ZSWIM6: variants seen among roughly 807,000 people sequenced by gnomAD.
ZSWIM6 encodes zinc finger SWIM-type containing 6, also known as zinc finger SWIM domain-containing protein 6.
In ZSWIM6, 9 loss-of-function variants were observed where a neutral mutation model predicts 113.2. The ratio of observed to expected loss-of-function variants is 0.08; its 90% CI spans 0.05 to 0.14. The LOEUF (loss-of-function observed/expected upper bound fraction) is 0.14, where lower values mean the gene tolerates loss of function less well. Among genes scored for constraint, ZSWIM6 ranks in the 10% least tolerant of loss-of-function variants. The probability of loss-of-function intolerance (pLI) is 1.00; values close to 1 mark genes in which losing one functional copy is unlikely to be tolerated. For synonymous variants in ZSWIM6, 611 were observed against 606.5 expected, an observed-to-expected ratio of 1.01 and a Z score of -0.11; for missense variants, 1,162 against 1,552.2, an observed-to-expected ratio of 0.75 and a Z score of 4.22.
intron 1 of ZSWIM6, among the ~76,000 whole-genome samples, chr5:61,440,886 A>T (rs928020101): frequency 2.0e-5 from 3 of 152,204 alleles, no homozygotes; most frequent in African/African-American, 7.2e-5. Flanking sequence ...CAGGCATATA[A>T]ACAATTCACT....
intron 1 of ZSWIM6, among the ~76,000 whole-genome samples, chr5:61,383,813 C>T (rs1745534664): frequency 1.3e-5 from 2 of 151,286 alleles, no homozygotes; most frequent in African/African-American, 4.9e-5. Flanking sequence ...TCCCAAAGTG[C>T]TGGGATTACA....
chr5:61,463,051 A>T (rs1226672216), intron 1 of ZSWIM6, among the ~76,000 whole-genome samples: 1 of 151,992 alleles, frequency 6.6e-6, no homozygotes, highest in Non-Finnish European at 1.5e-5. Flanking sequence ...TATACAAGTA[A>T]CTCCCAATTA....
chr5:61,419,822 C>A (rs949817594), intron 1 of ZSWIM6, among the ~76,000 whole-genome samples: 1 of 152,152 alleles, frequency 6.6e-6, no homozygotes, highest in Non-Finnish European at 1.5e-5. Flanking sequence ...AATTACAGAA[C>A]AGGATATACA....
intron 3 of ZSWIM6, among the ~76,000 whole-genome samples, chr5:61,492,595 G>A (rs1207884467): frequency 1.3e-5 from 2 of 152,060 alleles, no homozygotes; most frequent in African/African-American, 4.8e-5. Context: ...CTTTAACATT[G>A]TATCCAATAA....
In ZSWIM6 at chr5:61,459,361, A is replaced by G. The variant is rs1430788809; in HGVS notation, c.677-13320A>G. 3.3e-5 allele frequency among the ~76,000 whole-genome samples: 5 copies of G among 152,294 alleles called. No individual in the cohort carries two copies. In the South Asian group the frequency reaches 6.2e-4, roughly 19 times the overall value. ...CTCTTTTGGGCTAATAAAATGGAAT[A>G]TATCTGTTCCTTTATATTATAGATG... On this transcript the variant is annotated intron_variant, in intron 1 of 13. Transcript: ENST00000252744.
At chr5:61,431,351 G>A (rs1051529838) in intron 1 of ZSWIM6, among the ~76,000 whole-genome samples, 6 of 110,946 alleles carry the variant, frequency 5.4e-5, no homozygotes, top group African/African-American at 1.5e-4. Flanking sequence ...CCAGCCTGGC[G>A]ACAGAGCAAG....
chr5:61,489,946 C>G (rs1332680213), intron 2 of ZSWIM6, among the ~76,000 whole-genome samples: 1 of 151,988 alleles, frequency 6.6e-6, no homozygotes, highest in African/African-American at 2.4e-5. Flanking sequence ...TAATACAAAA[C>G]CACACCTACA....
rs1385722730 is a variant in ZSWIM6, at chr5:61,472,431, AAT to A, written c.677-245_677-244del. Among the ~76,000 whole-genome samples the A allele has an allele frequency of 6.6e-6, 1 of 152,208 alleles. No individual in the cohort carries two copies. The highest frequency in any genetic ancestry group is 1.5e-5 in the Non-Finnish European group (1 of 68,034). ...TATAGGTATGATGGTGTTGTATGGC[AAT>A]ATATGTTTTCATATGGCTGTGTAAA... On this transcript the variant is annotated intron_variant, in intron 1 of 13. Transcript: ENST00000252744. This position sits in a 1 kb window ranked among gnomAD's most constrained non-coding sequence, Gnocchi z 4.1.
At chr5:61,348,543 G>A (rs1744715773) in intron 1 of ZSWIM6, among the ~76,000 whole-genome samples, 1 of 152,154 alleles carries the variant, frequency 6.6e-6, no homozygotes, top group Non-Finnish European at 1.5e-5. Flanking sequence ...GTATATGACA[G>A]TCTATTTTAG....
chr5:61,435,963 A>G (rs913078779), intron 1 of ZSWIM6, among the ~76,000 whole-genome samples: 2 of 152,212 alleles, frequency 1.3e-5, no homozygotes, highest in African/African-American at 4.8e-5. Context: ...GCACTTTGGG[A>G]GGCCAAGGCG....
At chr5:61,335,830 A>G (rs552728011) in intron 1 of ZSWIM6, among the ~76,000 whole-genome samples, 3 of 152,336 alleles carry the variant, frequency 2.0e-5, no homozygotes, top group African/African-American at 4.8e-5. Context: ...CTCAACTTCT[A>G]TATTTTAAAA....
intron 1 of ZSWIM6, among the ~76,000 whole-genome samples, chr5:61,434,802 G>A (rs1746671408): frequency 6.6e-6 from 1 of 151,898 alleles, no homozygotes; most frequent in South Asian, 2.1e-4. Flanking sequence ...TGGAGTGGAG[G>A]ATGTGAAAAA....
intron 1 of ZSWIM6, among the ~76,000 whole-genome samples, chr5:61,457,491 T>C (rs1219060775): frequency 6.6e-6 from 1 of 152,154 alleles, no homozygotes; most frequent in Non-Finnish European, 1.5e-5. Flanking sequence ...ACAATTGTGA[T>C]TGACTAAATA....
At chr5:61,508,969 G>T (rs1041699974) in intron 4 of ZSWIM6, among the ~76,000 whole-genome samples, 1 of 152,138 alleles carries the variant, frequency 6.6e-6, no homozygotes, top group African/African-American at 2.4e-5. Flanking sequence ...CTAAGTTTTA[G>T]AGTAGTTTTT....
At chr5:61,355,579 T>A (rs1050520858) in intron 1 of ZSWIM6, among the ~76,000 whole-genome samples, 4 of 152,012 alleles carry the variant, frequency 2.6e-5, no homozygotes, top group African/African-American at 7.3e-5. Context: ...TTTAAACTTT[T>A]AAAAAATATA....
chr5:61,344,144 C>G (rs1183773359), intron 1 of ZSWIM6, among the ~76,000 whole-genome samples: 1 of 152,204 alleles, frequency 6.6e-6, no homozygotes, highest in African/African-American at 2.4e-5. Flanking sequence ...ATCCATCCAC[C>G]TTGGCCTCCC....
At position 61,332,594 on chromosome 5, in the gene ZSWIM6, CG is replaced by C; in HGVS notation, c.323del (p.Arg108ProfsTer2). ...GCGCATCCCGGAGCCGGTGCAGCGC[CG>C]CATAGTCTATTGGTCCTTCCCCCGC... ...FERIPEPVQR[R>X]IVYWSFPRSE... On this transcript the variant is annotated frameshift_variant, in exon 1 of 14. Transcript: ENST00000252744. LOFTEE classifies it high-confidence loss of function. 7.5e-7 allele frequency: 1 copy of C among 1,337,828 alleles called. No homozygotes were observed. The highest frequency in any genetic ancestry group is 9.9e-7 in the Non-Finnish European group (1 of 1,015,078). The allele number at this position is 1,337,828 out of a possible 1,614,324, so 82.9% of individuals were successfully genotyped here.
intron 4 of ZSWIM6, among the ~76,000 whole-genome samples, chr5:61,496,645 G>C (rs933699305): frequency 8.6e-5 from 13 of 152,038 alleles, no homozygotes; most frequent in Non-Finnish European, 1.9e-4. Context: ...AAATGAAATT[G>C]GAAGCCCTTT....
chr5:61,378,009 A>G (rs1289316992), intron 1 of ZSWIM6, among the ~76,000 whole-genome samples: 2 of 152,244 alleles, frequency 1.3e-5, no homozygotes, highest in Non-Finnish European at 2.9e-5. Context: ...AAAATTTAGC[A>G]AATTGTTAGC....
Sources: gnomAD v4.1 joint callset for allele counts (sites outside exome capture counted in the v4.1 genomes callset) on GRCh38, gnomAD v4.1.1 for gene constraint, Gnocchi (gnomAD v3.1) non-coding constraint, MANE v1.5 for transcripts, NCBI Gene and HGNC (gene_info 2026-07-23, HGNC 2026-07-21) for gene names.